Variants in GRK1 observed in about 807,000 individuals in gnomAD.
GRK1 encodes G protein-coupled receptor kinase 1.
Under a neutral mutation model 41.7 loss-of-function variants are expected in GRK1, and 28 were observed. That is an observed-to-expected ratio of 0.67 (90% CI 0.50 to 0.92). GRK1 has a LOEUF of 0.92. GRK1 is among the 40% of genes least tolerant of loss of function. GRK1 has a pLI of 0.00. For synonymous variants in GRK1, 327 were observed against 286.7 expected (o/e 1.14, Z -1.42); for missense variants, 703 against 671.2 (o/e 1.05, Z -0.52).
the GRK1 span, chr13:113,653,010 C>T: frequency 3.6e-5 from 58 of 1,614,034 alleles, no homozygotes; most frequent in East Asian, 1.2e-3. Context: ...CGGAAACTCT[C>T]CTGGAAGAAG....
At chr13:113,724,341 C>T (rs141598047) in intron 4 of GRK1, among the ~76,000 whole-genome samples, 1 of 152,350 alleles carries the variant, frequency 6.6e-6, no homozygotes, top group Non-Finnish European at 1.5e-5. Flanking sequence ...CTTGAGGGTC[C>T]GCGTGTCGGG....
At position 113,667,931 on chromosome 13, in the gene GRK1, C is replaced by A. The variant is rs980309508; in HGVS notation, c.545C>A (p.Ala182Asp). 1 of 1,607,792 alleles carries A rather than the reference C, an allele frequency of 6.2e-7. No homozygotes were observed. The highest frequency in any genetic ancestry group is 8.5e-7 in the Non-Finnish European group (1 of 1,177,268). Residue 182 changes from alanine (A) to aspartate (D), a missense_variant, in exon 1 of 7, where the codon GCC becomes GAC. By Grantham distance (126) the Ala-to-Asp change is moderately radical (BLOSUM62 -2). Transcript: ENST00000335678. The surrounding 1 kb of genome is among the most constrained non-coding windows in gnomAD (Gnocchi z 7.5). ...LRFLQWKWLE[A>D]QPMGEDWFLD... ...TTCCTGCAGTGGAAGTGGCTGGAAGCCCAGCCCATGGGGGAGGACTGGTTC... is the reference window on the plus strand; with the variant it reads ...TTCCTGCAGTGGAAGTGGCTGGAAGACCAGCCCATGGGGGAGGACTGGTTC...
chr13:113,663,312 T>G (rs1270837243), upstream of GRK1, among the ~76,000 whole-genome samples: 1 of 152,256 alleles, frequency 6.6e-6, no homozygotes, highest in Non-Finnish European at 1.5e-5. Flanking sequence ...GAAAAAGACC[T>G]TCAACCTCTT....
chr13:113,662,100 A>AATTTAT, the GRK1 span, among the ~76,000 whole-genome samples: 1 of 152,252 alleles, frequency 6.6e-6, no homozygotes, highest in Non-Finnish European at 1.5e-5. Flanking sequence ...GAATCCAACA[A>AATTTAT]AGTATAAAAA....
chr13:113,668,434 C>T (rs1213967992), intron 1 of GRK1, among the ~76,000 whole-genome samples: 3 of 152,226 alleles, frequency 2.0e-5, no homozygotes, highest in Non-Finnish European at 4.4e-5. Context: ...GGATTCTTTG[C>T]CATGACTGTG....
the GRK1 span, among the ~76,000 whole-genome samples, chr13:113,654,436 T>C: frequency 1.3e-5 from 2 of 152,176 alleles, no homozygotes; most frequent in Non-Finnish European, 2.9e-5. Context: ...TTCCTGTGCG[T>C]CCTTGCAGAA....
chr13:113,651,419 G>A, the GRK1 span, among the ~76,000 whole-genome samples: 11 of 152,346 alleles, frequency 7.2e-5, no homozygotes, highest in South Asian at 2.1e-4. Flanking sequence ...GTTTTGAAGC[G>A]TGCTGCTGAC....
chr13:113,650,595 A>T, the GRK1 span: 1 of 1,016,964 alleles, frequency 9.8e-7, no homozygotes, highest in Non-Finnish European at 1.5e-6. The surrounding 1 kb of genome is among the most constrained non-coding windows in gnomAD (Gnocchi z 5.0). Flanking sequence ...GTGTGCACAC[A>T]CGCGCTGTGT....
chr13:113,669,428 C>A (rs986591335), intron 1 of GRK1, among the ~76,000 whole-genome samples: 27 of 152,226 alleles, frequency 1.8e-4, no homozygotes, highest in African/African-American at 6.3e-4. Context: ...GGGCTTGAGC[C>A]TCCCCTTGCC....
At chr13:113,672,160 G>T (rs1218159509) in intron 3 of GRK1, among the ~76,000 whole-genome samples, 1 of 151,618 alleles carries the variant, frequency 6.6e-6, no homozygotes, top group Non-Finnish European at 1.5e-5. Flanking sequence ...TGTGCGTGGT[G>T]TGTGCTGTGT....
chr13:113,731,623 C>T lies in GRK1; in HGVS notation c.1194+280C>T, dbSNP rs944379737. Among the ~76,000 whole-genome samples the T allele has an allele frequency of 6.6e-6, 1 of 152,196 alleles. No homozygotes were observed. Among genetic ancestry groups the T allele is most frequent in the African/African-American group, 2.4e-5 (1 of 41,450 alleles). On this transcript the variant is annotated intron_variant, in intron 5 of 6. Coordinates refer to ENST00000335678, the MANE Select transcript of GRK1 (RefSeq NM_002929.3). This position sits in a 1 kb window ranked among gnomAD's most constrained non-coding sequence, Gnocchi z 5.6. ...GCAAGCAGACCCTCCCACCAGACAGCACGCCACCACTCAGCCTCTGAGGGC... is the reference window on the plus strand; with the variant it reads ...GCAAGCAGACCCTCCCACCAGACAGTACGCCACCACTCAGCCTCTGAGGGC...
Position 113,730,215 on chromosome 13 carries a change from GAC to G in GRK1, c.1070-1000_1070-999del, listed in dbSNP as rs1348685583. ...GCACCCAGACCCGTCCCTCCATCCC[GAC>G]ACAGTCCCCCAGTCCCCGTGGCTGA... On this transcript the variant is annotated intron_variant, in intron 4 of 6. Coordinates refer to ENST00000335678, the MANE Select transcript of GRK1 (RefSeq NM_002929.3). Among the ~76,000 whole-genome samples the G allele has an allele frequency of 8.4e-5, 9 of 106,868 alleles. 1 individual carries two copies. The highest frequency in any genetic ancestry group is 2.3e-4 in the African/African-American group (6 of 26,402). The allele number at this position is 106,868 out of a possible 152,430, so 70.1% of individuals were successfully genotyped here. A position where few individuals can be genotyped will look rare whatever the true frequency, so the allele number is the denominator to read the frequency against.
chr13:113,658,934 C>T, the GRK1 span, among the ~76,000 whole-genome samples: 1 of 152,172 alleles, frequency 6.6e-6, no homozygotes, highest in Non-Finnish European at 1.5e-5. Context: ...CCTGTGGGGG[C>T]CCCAGACTGC....
chr13:113,730,996 C>T (rs1003588749), intron 4 of GRK1, among the ~76,000 whole-genome samples: 1 of 152,190 alleles, frequency 6.6e-6, no homozygotes, highest in East Asian at 1.9e-4. Context: ...GTTGTCACAG[C>T]CTGGGGGTGC....
chr13:113,734,001 T>TGCGC (rs1194336287), intron 6 of GRK1, among the ~76,000 whole-genome samples: 1 of 136,222 alleles, frequency 7.3e-6, no homozygotes, highest in African/African-American at 3.5e-5. Context: ...TACATGTGTG[T>TGCGC]GCGTGTGCGT....
the GRK1 span, among the ~76,000 whole-genome samples, chr13:113,659,475 T>C: frequency 1.3e-5 from 2 of 152,240 alleles, no homozygotes; most frequent in Admixed American, 1.3e-4. Context: ...GGCATTACGC[T>C]GCTTTAATTT....
Position 113,731,637 on chromosome 13 carries a change from G to A in GRK1, c.1194+294G>A, listed in dbSNP as rs930809071. On this transcript the variant is annotated intron_variant, in intron 5 of 6. Coordinates refer to ENST00000335678, the MANE Select transcript of GRK1 (RefSeq NM_002929.3). The surrounding 1 kb of genome is among the most constrained non-coding windows in gnomAD (Gnocchi z 5.6). Reference sequence around the variant, plus strand: ...CCACCAGACAGCACGCCACCACTCAGCCTCTGAGGGCCCTGTGGGGGCCGG... The same window carrying A: ...CCACCAGACAGCACGCCACCACTCAACCTCTGAGGGCCCTGTGGGGGCCGG... 6.6e-6 allele frequency among the ~76,000 whole-genome samples: 1 copy of A among 152,184 alleles called. No homozygotes were observed. The highest frequency in any genetic ancestry group is 1.5e-5 in the Non-Finnish European group (1 of 68,022).
chr13:113,659,936 G>C, the GRK1 span, among the ~76,000 whole-genome samples: 2 of 152,128 alleles, frequency 1.3e-5, no homozygotes. Context: ...AGATGCTCTT[G>C]AAATGAACAA....
At chr13:113,659,063 G>A in the GRK1 span, among the ~76,000 whole-genome samples, 2 of 152,316 alleles carry the variant, frequency 1.3e-5, no homozygotes, top group East Asian at 1.9e-4. Flanking sequence ...CAGGGCCGGG[G>A]CAGGGACCAT....
Sources: gnomAD v4.1 joint callset for allele counts (sites outside exome capture counted in the v4.1 genomes callset) on GRCh38, gnomAD v4.1.1 for gene constraint, Gnocchi (gnomAD v3.1) non-coding constraint, MANE v1.5 for transcripts, NCBI Gene and HGNC (gene_info 2026-07-23, HGNC 2026-07-21) for gene names.